The following AK4 variants were observed in gnomAD, a reference collection of about 807,000 sequenced individuals.
The protein encoded by AK4 is adenylate kinase 4, mitochondrial.
Under a neutral mutation model 24.6 loss-of-function variants are expected in AK4, and 13 were observed. That is an observed-to-expected ratio of 0.53 (90% confidence interval 0.34 to 0.84). The LOEUF (loss-of-function observed/expected upper bound fraction) is 0.84, where lower values mean the gene tolerates loss of function less well. Ranked by LOEUF, AK4 falls within the 40% of genes least tolerant of loss-of-function variation. The pLI, the probability that AK4 is intolerant of heterozygous loss-of-function variation, is 0.01. For missense variants in AK4, 192 were observed against 288.2 expected, an observed-to-expected ratio of 0.67 and a Z score of 2.42; for synonymous variants, 88 against 107.0, an observed-to-expected ratio of 0.82 and a Z score of 1.10.
In AK4 at chr1:65,166,310, CTGTGTGTGTGTGTG is replaced by C. The variant is rs34870729; in HGVS notation, c.145+17786_145+17799del. 2.8e-3 allele frequency among the ~76,000 whole-genome samples: 396 copies of C among 143,118 alleles called. 1 individual carries two copies. Among genetic ancestry groups the C allele is most frequent in the Middle Eastern group, 0.018 (5 of 278 alleles). The allele number at this position is 143,118 out of a possible 152,430, so 93.9% of individuals were successfully genotyped here. ...GAAGCACAATCCAGTGGGATTTAAG[CTGTGTGTGTGTGTG>C]TGTGTGTGTGTGTGTGTGTGTGTGT... On this transcript the variant is annotated intron_variant, in intron 1 of 4. Transcript: ENST00000327299.
intron 1 of AK4, among the ~76,000 whole-genome samples, chr1:65,165,039 A>G (rs1338481196): frequency 2.0e-5 from 3 of 152,248 alleles, no homozygotes; most frequent in Non-Finnish European, 4.4e-5. Flanking sequence ...TAATCAGAGT[A>G]AGAAATGGTC....
chr1:65,152,358 C>CTATA (rs1439853968), intron 1 of AK4, among the ~76,000 whole-genome samples: 69 of 30,504 alleles, frequency 2.3e-3, no homozygotes, highest in Non-Finnish European at 2.8e-3. Flanking sequence ...CTCTCTCTCT[C>CTATA]TCTATATATA....
At chr1:65,172,063 G>GTATGTATATATATA (rs1650545108) in intron 1 of AK4, among the ~76,000 whole-genome samples, 1 of 65,746 alleles carries the variant, frequency 1.5e-5, no homozygotes, top group Non-Finnish European at 3.9e-5. Context: ...TCCATCTCAA[G>GTATGTATATATATA]TATATATATA....
intron 1 of AK4, among the ~76,000 whole-genome samples, chr1:65,150,759 C>A (rs1649744616): frequency 6.6e-6 from 1 of 152,236 alleles, no homozygotes; most frequent in East Asian, 1.9e-4. Context: ...GAAATAGAAC[C>A]GTGTAGGAAT....
chr1:65,180,382 G>A (rs1340334136), intron 1 of AK4, among the ~76,000 whole-genome samples: 2 of 152,178 alleles, frequency 1.3e-5, no homozygotes, highest in East Asian at 1.9e-4. Flanking sequence ...CATAGCAAGT[G>A]TCAGAGAGTG....
chr1:65,223,527 G>T (rs1009306058), intron 3 of AK4, among the ~76,000 whole-genome samples: 4 of 151,916 alleles, frequency 2.6e-5, no homozygotes, highest in Non-Finnish European at 5.9e-5. Context: ...AGAGTGGGGG[G>T]GTTCTTGCCT....
intron 1 of AK4, 67 bp downstream of exon 1, chr1:65,148,619 C>T: frequency 2.7e-6 from 4 of 1,459,614 alleles, no homozygotes; most frequent in Non-Finnish European, 3.6e-6. Flanking sequence ...CCTGGAGGGA[C>T]TGGGGCTCCC....
intron 2 of AK4, among the ~76,000 whole-genome samples, chr1:65,210,079 T>TGA (rs2101070378): frequency 1.3e-5 from 2 of 152,346 alleles, no homozygotes; most frequent in African/African-American, 4.8e-5. Flanking sequence ...CTGTAGGTGT[T>TGA]GACCATTCTT....
In AK4 at chr1:65,217,887, G is replaced by A. The variant is rs371295629; in HGVS notation, c.266-867G>A. On this transcript the variant is annotated intron_variant, in intron 2 of 4. Transcript: ENST00000327299. ...ATTTCAAATTTTTTCCAGCTTTATC[G>A]CGGTATACTTGACAAGTAAGTGTAT... 7.6e-4 allele frequency among the ~76,000 whole-genome samples: 115 copies of A among 152,114 alleles called. 1 individual carries two copies. The highest frequency in any genetic ancestry group is 2.4e-3 in the African/African-American group (98 of 41,492).
At chr1:65,171,013 A>G (rs1163831860) in intron 1 of AK4, among the ~76,000 whole-genome samples, 1 of 139,660 alleles carries the variant, frequency 7.2e-6, no homozygotes, top group Non-Finnish European at 1.5e-5. Flanking sequence ...GCTGGAGTGC[A>G]GTGGCACGAT....
intron 1 of AK4, among the ~76,000 whole-genome samples, chr1:65,187,921 GT>G (rs1179924145): frequency 6.6e-6 from 1 of 152,104 alleles, no homozygotes; most frequent in Non-Finnish European, 1.5e-5. Flanking sequence ...TGTCTTTCTT[GT>G]TCCGCCTTTT....
chr1:65,147,747 G>A, upstream of AK4: 1 of 152,102 alleles, frequency 6.6e-6, no homozygotes, highest in Non-Finnish European at 1.5e-5. Context: ...GAGCGCATCC[G>A]CCAACCCCGG....
intron 2 of AK4, among the ~76,000 whole-genome samples, chr1:65,210,248 C>T (rs1187384101): frequency 2.0e-5 from 3 of 152,154 alleles, no homozygotes; most frequent in Non-Finnish European, 4.4e-5. Flanking sequence ...CTTAGCCTAT[C>T]CCCAGGGCCT....
At chr1:65,178,342 G>A (rs948204876) in intron 1 of AK4, among the ~76,000 whole-genome samples, 1 of 152,218 alleles carries the variant, frequency 6.6e-6, no homozygotes, top group African/African-American at 2.4e-5. Flanking sequence ...AGGGGTGTGT[G>A]AGGCCTGTAG....
intron 2 of AK4, among the ~76,000 whole-genome samples, chr1:65,192,515 C>T (rs1250775054): frequency 6.6e-6 from 1 of 152,140 alleles, no homozygotes; most frequent in Non-Finnish European, 1.5e-5. Context: ...CTGCCCCTAC[C>T]CACCTCCCCC....
intron 1 of AK4, among the ~76,000 whole-genome samples, chr1:65,177,987 GTTTTCTGAGTCT>G: frequency 6.6e-6 from 1 of 152,146 alleles, no homozygotes; most frequent in East Asian, 1.9e-4. Context: ...GTTGAGAAGG[GTTTTCTGAGTCT>G]TAATTGCCTG....
intron 1 of AK4, among the ~76,000 whole-genome samples, chr1:65,161,786 T>A (rs1650175177): frequency 6.6e-6 from 1 of 152,176 alleles, no homozygotes. Flanking sequence ...AGACACCTCA[T>A]ATACCTTATG....
intron 1 of AK4, among the ~76,000 whole-genome samples, chr1:65,182,569 A>T (rs931153366): frequency 4.6e-5 from 7 of 152,004 alleles, no homozygotes; most frequent in African/African-American, 1.7e-4. Context: ...GCCTTTGCTT[A>T]AAGTATTAGT....
In AK4 at chr1:65,207,243, A is replaced by G. The variant is rs561642958; in HGVS notation, c.266-11511A>G. 4.0e-5 allele frequency among the ~76,000 whole-genome samples: 6 copies of G among 151,458 alleles called. No individual in the cohort carries two copies. The South Asian group carries it at 1.0e-3, about 26-fold the overall frequency. ...CCTCCCTACCTCCCTTCTTGCCTCT[A>G]TCTTGCCCTGTCACCCACGCTGGAG... is the stretch of plus-strand genomic sequence containing the variant. On this transcript the variant is annotated intron_variant, in intron 2 of 4. Transcript: ENST00000327299.
Sources: gnomAD v4.1 joint callset for allele counts (sites outside exome capture counted in the v4.1 genomes callset) on GRCh38, gnomAD v4.1.1 for gene constraint, MANE v1.5 for transcripts, NCBI Gene and HGNC (gene_info 2026-07-23, HGNC 2026-07-21) for gene names.